ABHD2: variants seen among roughly 807,000 people sequenced by gnomAD.
The protein encoded by ABHD2 is abhydrolase domain containing 2, acylglycerol lipase.
In ABHD2, 20 loss-of-function variants were observed where a neutral mutation model predicts 48.1. That is an observed-to-expected ratio of 0.42 (90% CI 0.29 to 0.60). The LOEUF (loss-of-function observed/expected upper bound fraction) is 0.60. Among genes scored for constraint, ABHD2 ranks in the 20% least tolerant of loss-of-function variants. ABHD2 has a pLI of 0.24. For missense variants in ABHD2, 405 were observed against 550.9 expected, an observed-to-expected ratio of 0.74 and a Z score of 2.65; for synonymous variants, 209 against 214.2, an observed-to-expected ratio of 0.98 and a Z score of 0.21.
chr15:89,158,424 C>T (rs2050709126), intron 5 of ABHD2, among the ~76,000 whole-genome samples: 1 of 152,188 alleles, frequency 6.6e-6, no homozygotes, highest in Admixed American at 6.5e-5. Flanking sequence ...GATTGGAAGG[C>T]GTTACCACAC....
chr15:89,133,857 G>C (rs765331136), intron 3 of ABHD2, among the ~76,000 whole-genome samples: 12 of 84,432 alleles, frequency 1.4e-4, no homozygotes, highest in Non-Finnish European at 2.4e-4. Flanking sequence ...TTTTTTTTGA[G>C]ACAGAGTCTC....
chr15:89,173,182 G>C lies in ABHD2; in HGVS notation c.539-2630G>C, dbSNP rs973611314. Among the ~76,000 whole-genome samples, 1 of 152,208 alleles carries C rather than the reference G, an allele frequency of 6.6e-6. No homozygotes were observed. The highest frequency in any genetic ancestry group is 2.4e-5 in the African/African-American group (1 of 41,450). On this transcript the variant is annotated intron_variant, in intron 5 of 10. Coordinates refer to ENST00000352732, the MANE Select transcript of ABHD2 (RefSeq NM_152924.5). This position sits in a 1 kb window ranked among gnomAD's most constrained non-coding sequence, Gnocchi z 6.5. ...CAGCTAATTGCTCATTGTGCTCTCA[G>C]CTGTTTGTTTGCACATCCCCTTTTT...
chr15:89,194,572 G>A (rs890095781), intron 10 of ABHD2, among the ~76,000 whole-genome samples: 1 of 152,156 alleles, frequency 6.6e-6, no homozygotes, highest in Non-Finnish European at 1.5e-5. Flanking sequence ...GAAGATAAAT[G>A]TCTGTAGTGA....
chr15:89,158,625 A>C (rs1048650500), intron 5 of ABHD2, among the ~76,000 whole-genome samples: 1 of 152,180 alleles, frequency 6.6e-6, no homozygotes, highest in Non-Finnish European at 1.5e-5. Context: ...GTGGAGCTAC[A>C]ATTAAATGTG....
chr15:89,041,429 A>C, the ABHD2 span: 1 of 152,186 alleles, frequency 6.6e-6, no homozygotes, highest in African/African-American at 2.4e-5. Flanking sequence ...ATTTGTAACA[A>C]TTCTGTCTCC....
Position 89,186,242 on chromosome 15 carries a change from C to T in ABHD2, c.815+726C>T, listed in dbSNP as rs1420991279. On this transcript the variant is annotated intron_variant, in intron 7 of 10. Coordinates refer to ENST00000352732, the MANE Select transcript of ABHD2 (RefSeq NM_152924.5). This position sits in a 1 kb window ranked among gnomAD's most constrained non-coding sequence, Gnocchi z 4.3. ...GGCATGGTTTCGGCGCCTCCCTGCTCGGAGTTTGAGCCTCTCCTTATTCTT... is the reference window on the plus strand; with the variant it reads ...GGCATGGTTTCGGCGCCTCCCTGCTTGGAGTTTGAGCCTCTCCTTATTCTT... Among the ~76,000 whole-genome samples, 4 of 152,176 alleles carry T rather than the reference C, an allele frequency of 2.6e-5. No homozygotes were observed. The highest frequency in any genetic ancestry group is 9.7e-5 in the African/African-American group (4 of 41,442).
chr15:89,124,778 C>G (rs975659744), intron 3 of ABHD2, among the ~76,000 whole-genome samples: 1 of 152,192 alleles, frequency 6.6e-6, no homozygotes, highest in South Asian at 2.1e-4. Context: ...ATGGTGAAAC[C>G]CCGTTTCTAC....
intron 3 of ABHD2, among the ~76,000 whole-genome samples, chr15:89,125,449 T>A (rs1383065782): frequency 6.6e-6 from 1 of 152,210 alleles, no homozygotes; most frequent in Non-Finnish European, 1.5e-5. Context: ...TGATTGAGGC[T>A]AAATATTAAG....
chr15:89,068,106 C>T, the ABHD2 span, among the ~76,000 whole-genome samples: 1 of 152,122 alleles, frequency 6.6e-6, no homozygotes. Context: ...TCAGGGTCTC[C>T]CACAGAGCAT....
intron 5 of ABHD2, among the ~76,000 whole-genome samples, chr15:89,170,816 C>A (rs768827651): frequency 6.6e-6 from 1 of 152,102 alleles, no homozygotes; most frequent in Non-Finnish European, 1.5e-5. Context: ...TTTCGAGCTG[C>A]ACTTTTAAAA....
chr15:89,109,535 T>G (rs964607862), intron 1 of ABHD2, among the ~76,000 whole-genome samples: 1 of 151,926 alleles, frequency 6.6e-6, no homozygotes, highest in African/African-American at 2.4e-5. Flanking sequence ...TCTCTGTGAC[T>G]TCTTTTCCCT....
the ABHD2 span, among the ~76,000 whole-genome samples, chr15:89,063,547 G>GAC: frequency 1.5e-4 from 23 of 150,266 alleles, no homozygotes; most frequent in African/African-American, 2.0e-4. Context: ...CACACACACA[G>GAC]ACACACACAC....
chr15:89,124,945 C>T (rs540840176), intron 3 of ABHD2, among the ~76,000 whole-genome samples: 36 of 152,190 alleles, frequency 2.4e-4, no homozygotes, highest in African/African-American at 4.6e-4. Flanking sequence ...AAAAATTGGC[C>T]GGGCATGGTG....
Position 89,146,873 on chromosome 15 carries a change from T to C in ABHD2, c.195-4804T>C, listed in dbSNP as rs1457041688. ...CAATTATCTCCTAGGTAATATATATTTGTCGTGTTTCCAATCAAAAATCTA... is the reference window on the plus strand; with the variant it reads ...CAATTATCTCCTAGGTAATATATATCTGTCGTGTTTCCAATCAAAAATCTA... On this transcript the variant is annotated intron_variant, in intron 3 of 10. Transcript: ENST00000352732. This position sits in a 1 kb window ranked among gnomAD's most constrained non-coding sequence, Gnocchi z 4.2. Among the ~76,000 whole-genome samples, 2 of 152,174 alleles carry C rather than the reference T, an allele frequency of 1.3e-5. No individual in the cohort carries two copies. Among genetic ancestry groups the C allele is most frequent in the Non-Finnish European group, 2.9e-5 (2 of 68,030 alleles).
chr15:89,140,120 A>G (rs200560072), intron 3 of ABHD2, among the ~76,000 whole-genome samples: 1 of 152,206 alleles, frequency 6.6e-6, no homozygotes, highest in Non-Finnish European at 1.5e-5. Flanking sequence ...GTAAAGTGAC[A>G]CAGCCGGTGT....
chr15:89,133,827 A>G (rs965447366), intron 3 of ABHD2, among the ~76,000 whole-genome samples: 2 of 140,912 alleles, frequency 1.4e-5, no homozygotes, highest in East Asian at 4.0e-4. Context: ...GGTATTTGCC[A>G]TGCATAATTT....
upstream of ABHD2, chr15:89,088,224 T>A (rs1335212592): frequency 2.0e-5 from 3 of 152,340 alleles, no homozygotes; most frequent in Admixed American, 6.5e-5. The surrounding 1 kb of genome is among the most constrained non-coding windows in gnomAD (Gnocchi z 6.8). Context: ...ACTAAAGCCG[T>A]CAAATGTAAC....
chr15:89,117,554 C>T (rs1274061960), intron 3 of ABHD2, among the ~76,000 whole-genome samples: 1 of 152,226 alleles, frequency 6.6e-6, no homozygotes, highest in African/African-American at 2.4e-5. Flanking sequence ...TGTCATGCTG[C>T]TTCACTCGCT....
At chr15:89,055,420 G>C in the ABHD2 span, among the ~76,000 whole-genome samples, 1 of 149,058 alleles carries the variant, frequency 6.7e-6, no homozygotes, top group Non-Finnish European at 1.5e-5. Flanking sequence ...TCTGCCTCCT[G>C]GACTCAAGCG....
Sources: gnomAD v4.1 joint callset for allele counts (sites outside exome capture counted in the v4.1 genomes callset) on GRCh38, gnomAD v4.1.1 for gene constraint, Gnocchi (gnomAD v3.1) non-coding constraint, MANE v1.5 for transcripts, NCBI Gene and HGNC (gene_info 2026-07-23, HGNC 2026-07-21) for gene names.